ETF1: variants seen among roughly 807,000 people sequenced by gnomAD.
ETF1 encodes the protein eukaryotic peptide chain release factor subunit 1.
In ETF1, 4 loss-of-function variants were observed where a neutral mutation model predicts 55.1. That is an observed-to-expected ratio of 0.07 (90% CI 0.04 to 0.17). ETF1 has a LOEUF of 0.17. ETF1 is among the 10% of genes least tolerant of loss of function. The probability of loss-of-function intolerance (pLI) is 1.00; values close to 1 mark genes in which losing one functional copy is unlikely to be tolerated. For synonymous variants in ETF1, 157 were observed against 182.3 expected, an observed-to-expected ratio of 0.86 and a Z score of 1.12; for missense variants, 142 against 523.6, an observed-to-expected ratio of 0.27 and a Z score of 7.11.
intron 2 of ETF1, among the ~76,000 whole-genome samples, chr5:138,538,958 C>T (rs931447071): frequency 6.6e-6 from 1 of 152,126 alleles, no homozygotes; most frequent in Admixed American, 6.5e-5. Context: ...GGGGCAGGAA[C>T]AACCAATTTT....
intron 2 of ETF1, among the ~76,000 whole-genome samples, chr5:138,523,925 C>T (rs1765343103): frequency 6.6e-6 from 1 of 152,088 alleles, no homozygotes; most frequent in African/African-American, 2.4e-5. Context: ...ACCTGCAATC[C>T]CAGCACTCTG....
At chr5:138,512,197 C>CAAAAAAAAA (rs58386195) in intron 6 of ETF1, among the ~76,000 whole-genome samples, 4 of 2,842 alleles carry the variant, frequency 1.4e-3, no homozygotes, top group Non-Finnish European at 2.2e-3. Flanking sequence ...GACCCAGTCT[C>CAAAAAAAAA]AAAAAAAAAA....
chr5:138,535,328 GAAT>G (rs1303028192), intron 2 of ETF1, among the ~76,000 whole-genome samples: 1 of 128,792 alleles, frequency 7.8e-6, no homozygotes, highest in East Asian at 4.5e-4. Context: ...GCCCATGGAT[GAAT>G]AATTGGCTTT....
chr5:138,520,796 G>C (rs1411460289), intron 2 of ETF1, among the ~76,000 whole-genome samples: 1 of 152,132 alleles, frequency 6.6e-6, no homozygotes, highest in Non-Finnish European at 1.5e-5. Context: ...TCCAGCCTGG[G>C]CAACAGTATA....
chr5:138,510,810 A>G (rs1764745607), intron 8 of ETF1, 181 bp from the exon 9 acceptor site: 2 of 685,142 alleles, frequency 2.9e-6, no homozygotes, highest in Admixed American at 6.3e-5. Context: ...CATAAGGAAC[A>G]TCAGAGATGT....
chr5:138,536,686 A>G (rs1438851597), intron 2 of ETF1, among the ~76,000 whole-genome samples: 1 of 152,226 alleles, frequency 6.6e-6, no homozygotes, highest in African/African-American at 2.4e-5. Flanking sequence ...GAACAGATCC[A>G]GCAGTGGGAA....
intron 2 of ETF1, among the ~76,000 whole-genome samples, chr5:138,522,504 T>C (rs1765273930): frequency 6.6e-6 from 1 of 151,658 alleles, no homozygotes; most frequent in African/African-American, 2.4e-5. Flanking sequence ...CTTAGTTAGA[T>C]ACCCAAGAGA....
chr5:138,516,361 C>A (rs1362663253), intron 4 of ETF1, among the ~76,000 whole-genome samples: 1 of 132,816 alleles, frequency 7.5e-6, no homozygotes, highest in Non-Finnish European at 1.7e-5. Context: ...TATGTACCCA[C>A]AAAAATCAAA....
chr5:138,512,246 ATATATATATATATTTTTTTTTTT>A lies in ETF1; in HGVS notation c.732+495_732+517del, dbSNP rs1269986851. On this transcript the variant is annotated intron_variant, in intron 6 of 10. Transcript: ENST00000360541. ...AAAAAATATATATATATATATATAT[ATATATATATATATTTTTTTTTTT>A]TTTTAAAGGCAATTTCTTTGGTGGA... Among the ~76,000 whole-genome samples, 28 of 9,318 alleles carry A rather than the reference ATATATATATATATTTTTTTTTTT, an allele frequency of 3.0e-3. 6 individuals are homozygous for A. In the East Asian group the frequency reaches 0.16, roughly 55 times the overall value. The allele number at this position is 9,318 out of a possible 152,430, so 6.1% of individuals were successfully genotyped here. A position where few individuals can be genotyped will look rare whatever the true frequency, so the allele number is the denominator to read the frequency against.
intron 2 of ETF1, among the ~76,000 whole-genome samples, chr5:138,537,610 T>C (rs1031139169): frequency 9.2e-5 from 14 of 152,092 alleles, no homozygotes; most frequent in Admixed American, 5.2e-4. Flanking sequence ...TTTTTTGAGA[T>C]GGAATCTTGC....
intron 2 of ETF1, chr5:138,542,567 C>G (rs764099176): frequency 9.8e-6 from 13 of 1,328,432 alleles, no homozygotes; most frequent in African/African-American, 1.5e-5. Flanking sequence ...GGGAGAGGTG[C>G]AAAAGTAGCG....
At chr5:138,518,890 T>C (rs1470229238) in intron 2 of ETF1, 23 bp from the exon 3 acceptor site, 1 of 1,608,392 alleles carries the variant, frequency 6.2e-7, no homozygotes, top group Non-Finnish European at 8.5e-7. Flanking sequence ...GAATAACTCA[T>C]TAGGGATTTA....
In ETF1 at chr5:138,506,832, T is replaced by G. The variant is rs1369836950; in HGVS notation, c.*1473A>C. The stretch of plus-strand genomic sequence containing the variant: ...TAAAGCTACGAGTGACTGAATCAAG[T>G]CAGTAAAGAACAGCAGTCAGGCACT... On this transcript the variant is annotated 3_prime_UTR_variant, in exon 11 of 11. Coordinates refer to ENST00000360541, the MANE Select transcript of ETF1 (RefSeq NM_004730.4). 4 of 152,596 alleles carry G rather than the reference T, an allele frequency of 2.6e-5. No homozygotes were observed. Among genetic ancestry groups the G allele is most frequent in the Admixed American group, 2.6e-4 (4 of 15,286 alleles). The allele number at this position is 152,596 out of a possible 1,614,324, so 9.5% of individuals were successfully genotyped here.
chr5:138,526,223 A>T (rs1580704197), intron 2 of ETF1, among the ~76,000 whole-genome samples: 1 of 152,208 alleles, frequency 6.6e-6, no homozygotes, highest in Non-Finnish European at 1.5e-5. Context: ...AAAAGAAATC[A>T]GAAAGCTGGT....
intron 2 of ETF1, among the ~76,000 whole-genome samples, chr5:138,526,430 G>A (rs538780780): frequency 6.6e-6 from 1 of 152,150 alleles, no homozygotes; most frequent in Non-Finnish European, 1.5e-5. Flanking sequence ...TAGTGTCTTC[G>A]GTATTTGCAT....
chr5:138,541,950 T>C (rs1483942307), intron 2 of ETF1, among the ~76,000 whole-genome samples: 1 of 152,062 alleles, frequency 6.6e-6, no homozygotes, highest in African/African-American at 2.4e-5. Flanking sequence ...TGGACACACC[T>C]ACAGTTTCTT....
chr5:138,542,583 C>T, intron 2 of ETF1: 2 of 1,378,490 alleles, frequency 1.5e-6, no homozygotes, highest in Non-Finnish European at 1.9e-6. Flanking sequence ...TAGCGGTGGC[C>T]TACCACGAGG....
At chr5:138,508,915 T>G in intron 9 of ETF1, 99 bp from the exon 10 acceptor site, 3 of 1,507,124 alleles carry the variant, frequency 2.0e-6, no homozygotes, top group Non-Finnish European at 2.7e-6. Flanking sequence ...ACTCTCATCC[T>G]CCCATTTATA....
At chr5:138,524,492 G>T (rs188988572) in intron 2 of ETF1, among the ~76,000 whole-genome samples, 51 of 151,478 alleles carry the variant, frequency 3.4e-4, no homozygotes, top group African/African-American at 1.2e-3. Context: ...GGTTGAGGCT[G>T]CAGTGAGCCG....
Sources: gnomAD v4.1 joint callset for allele counts (sites outside exome capture counted in the v4.1 genomes callset) on GRCh38, gnomAD v4.1.1 for gene constraint, MANE v1.5 for transcripts, NCBI Gene and HGNC (gene_info 2026-07-23, HGNC 2026-07-21) for gene names.